The following PHF14 variants were observed in gnomAD, a reference collection of about 807,000 sequenced individuals.
PHF14 encodes PHD finger protein 14.
Under a neutral mutation model 117.9 loss-of-function variants are expected in PHF14, and 55 were observed. The ratio of observed to expected loss-of-function variants is 0.47; its 90% CI spans 0.38 to 0.58. The LOEUF (loss-of-function observed/expected upper bound fraction) is 0.58, where lower values mean the gene tolerates loss of function less well. PHF14 is among the 20% of genes least tolerant of loss of function. PHF14 has a pLI of 0.00. For synonymous variants in PHF14, 409 were observed against 368.6 expected, an observed-to-expected ratio of 1.11 and a Z score of -1.26; for missense variants, 978 against 1,122.2, an observed-to-expected ratio of 0.87 and a Z score of 1.84.
intron 4 of PHF14, among the ~76,000 whole-genome samples, chr7:10,994,291 T>C (rs1475128306): frequency 2.0e-5 from 3 of 151,900 alleles, no homozygotes; most frequent in African/African-American, 7.3e-5. Flanking sequence ...TACAAAAAAT[T>C]AGCTGGGCAT....
intron 5 of PHF14, chr7:11,014,886 A>G (rs1583367575): frequency 6.7e-6 from 1 of 148,322 alleles, no homozygotes; most frequent in Non-Finnish European, 1.5e-5. Flanking sequence ...GCCATCTTCC[A>G]TGTTTTTTTT....
In PHF14 at chr7:11,145,470, A is replaced by C. The variant is rs114646865; in HGVS notation, c.2773-23946A>C. Among the ~76,000 whole-genome samples the C allele has an allele frequency of 6.3e-3, 963 of 152,218 alleles. 10 individuals are homozygous for C. The highest frequency in any genetic ancestry group is 0.022 in the African/African-American group (923 of 41,568). On this transcript the variant is annotated intron_variant, in intron 17 of 17. Coordinates refer to ENST00000634607, the MANE Select transcript of PHF14 (RefSeq NM_001007157.2). ...TGAAAATGAGCAAATCTCCAAATTC[A>C]TTAGGCAGTTACTTCACTATAAGCA... is the stretch of plus-strand genomic sequence containing the variant.
chr7:11,145,499 T>C (rs1788523068), intron 17 of PHF14, among the ~76,000 whole-genome samples: 1 of 152,088 alleles, frequency 6.6e-6, no homozygotes, highest in African/African-American at 2.4e-5. Context: ...ATAAGCAGAA[T>C]AGAATTGAGC....
At chr7:11,114,345 C>A (rs1313422100) in intron 17 of PHF14, among the ~76,000 whole-genome samples, 10 of 152,010 alleles carry the variant, frequency 6.6e-5, no homozygotes, top group South Asian at 2.1e-4. Context: ...TTTATACTGT[C>A]AGCAGCTATT....
chr7:10,978,528 A>G (rs979003361), intron 2 of PHF14, among the ~76,000 whole-genome samples: 7 of 152,208 alleles, frequency 4.6e-5, no homozygotes, highest in Non-Finnish European at 1.0e-4. Flanking sequence ...ATCAGTGTTG[A>G]GTAAAAGTAG....
intron 17 of PHF14, among the ~76,000 whole-genome samples, chr7:11,155,770 T>G (rs1294747991): frequency 6.6e-6 from 1 of 151,770 alleles, no homozygotes; most frequent in Non-Finnish European, 1.5e-5. Context: ...ATGTTTTTTT[T>G]TTGTTTTTTT....
chr7:11,010,140 G>A (rs1783293163), intron 4 of PHF14, among the ~76,000 whole-genome samples: 1 of 151,912 alleles, frequency 6.6e-6, no homozygotes, highest in Non-Finnish European at 1.5e-5. Context: ...ACATTATTTT[G>A]TAAATAAAAT....
chr7:11,158,930 C>G (rs1788937956), intron 17 of PHF14, among the ~76,000 whole-genome samples: 1 of 151,996 alleles, frequency 6.6e-6, no homozygotes, highest in Non-Finnish European at 1.5e-5. Context: ...AATCTATTAT[C>G]TAGATATTTT....
At chr7:10,992,111 C>T (rs1322570058) in intron 4 of PHF14, among the ~76,000 whole-genome samples, 3 of 151,466 alleles carry the variant, frequency 2.0e-5, no homozygotes, top group Non-Finnish European at 2.9e-5. Context: ...TGGAGTGCAG[C>T]GACACAATCT....
rs995687046 is a variant in PHF14, at chr7:11,021,136, A to C, written c.1206-1732A>C. ...CACTCTACTTAGTCTGCTTTATTAA[A>C]ATATATGAATTTACAATAATCTGTT... On this transcript the variant is annotated intron_variant, in intron 5 of 17. Coordinates refer to ENST00000634607, the MANE Select transcript of PHF14 (RefSeq NM_001007157.2). Among the ~76,000 whole-genome samples the C allele has an allele frequency of 4.6e-5, 7 of 152,176 alleles. No homozygotes were observed. In the South Asian group the frequency reaches 1.2e-3, roughly 27 times the overall value.
At chr7:11,022,101 G>C (rs765460133) in intron 5 of PHF14, among the ~76,000 whole-genome samples, 2 of 151,920 alleles carry the variant, frequency 1.3e-5, no homozygotes, top group Non-Finnish European at 2.9e-5. Flanking sequence ...TATTAAAAAA[G>C]GTTCAGAGCA....
At chr7:11,070,088 T>A (rs1374001415) in intron 16 of PHF14, among the ~76,000 whole-genome samples, 2 of 152,234 alleles carry the variant, frequency 1.3e-5, no homozygotes, top group African/African-American at 4.8e-5. Flanking sequence ...TCCTTTCATC[T>A]TGTGTCATTT....
chr7:11,122,412 CGTATATATATAT>C (rs1787800539), intron 17 of PHF14, among the ~76,000 whole-genome samples: 1,290 of 117,356 alleles, frequency 0.011, 8 homozygotes, highest in Non-Finnish European at 0.018. Flanking sequence ...TATATATACA[CGTATATATATAT>C]ACACGTATAT....
intron 16 of PHF14, chr7:11,106,603 T>G (rs1193456548): frequency 3.0e-6 from 3 of 983,682 alleles, no homozygotes; most frequent in Admixed American, 1.2e-4. Flanking sequence ...TTTCTCCATC[T>G]GTTAAGATGT....
chr7:11,038,700 A>G, intron 10 of PHF14, 60 bp from the exon 11 acceptor site: 2 of 635,096 alleles, frequency 3.1e-6, no homozygotes, highest in Middle Eastern at 2.6e-4. Context: ...ATAGAAATGT[A>G]GATATTTCTT....
chr7:10,990,254 C>G (rs1426443875), intron 3 of PHF14, among the ~76,000 whole-genome samples: 1 of 152,114 alleles, frequency 6.6e-6, no homozygotes, highest in Non-Finnish European at 1.5e-5. Context: ...ATATGTGCGT[C>G]TTGTCTTCTC....
At chr7:10,981,677 A>G (rs965827546) in intron 2 of PHF14, among the ~76,000 whole-genome samples, 1 of 152,204 alleles carries the variant, frequency 6.6e-6, no homozygotes, top group Non-Finnish European at 1.5e-5. Flanking sequence ...AAGTTTTGAA[A>G]GTGTAGTGAC....
At chr7:11,116,258 C>T (rs908110245) in intron 17 of PHF14, among the ~76,000 whole-genome samples, 4 of 151,988 alleles carry the variant, frequency 2.6e-5, no homozygotes, top group Admixed American at 1.3e-4. Flanking sequence ...TATCTACTGT[C>T]TCTATCTCCA....
chr7:11,167,768 C>A (rs1562493219), intron 17 of PHF14, among the ~76,000 whole-genome samples: 2 of 152,110 alleles, frequency 1.3e-5, no homozygotes, highest in Admixed American at 6.6e-5. Flanking sequence ...GTGGCTCACG[C>A]CTGTAATCCC....
Sources: allele counts gnomAD v4.1 joint callset (sites outside exome capture counted in the v4.1 genomes callset), GRCh38; gene constraint gnomAD v4.1.1; transcripts MANE v1.5; gene names NCBI Gene and HGNC (gene_info 2026-07-23, HGNC 2026-07-21).